Variants in FAM118B observed in about 807,000 individuals in gnomAD.
FAM118B encodes the protein SIR2 antiphage like 1, also known as protein FAM118B.
A neutral mutation model predicts 38.5 loss-of-function variants in FAM118B; 24 were observed. The ratio of observed to expected loss-of-function variants is 0.62; its 90% CI spans 0.45 to 0.88. The LOEUF (loss-of-function observed/expected upper bound fraction) is 0.88. Among genes scored for constraint, FAM118B ranks in the 40% least tolerant of loss-of-function variants. FAM118B has a pLI of 0.00. For missense variants in FAM118B, 334 were observed against 420.0 expected, an observed-to-expected ratio of 0.80 and a Z score of 1.79; for synonymous variants, 138 against 156.3, an observed-to-expected ratio of 0.88 and a Z score of 0.87.
intron 1 of FAM118B, among the ~76,000 whole-genome samples, chr11:126,220,389 A>G (rs1187973752): frequency 6.7e-6 from 1 of 148,604 alleles, no homozygotes; most frequent in Admixed American, 6.7e-5. Context: ...AATACCCTCA[A>G]TTGTTTTCAC....
At chr11:126,238,890 A>C (rs1313380010) in intron 3 of FAM118B, among the ~76,000 whole-genome samples, 1 of 152,152 alleles carries the variant, frequency 6.6e-6, no homozygotes, top group Non-Finnish European at 1.5e-5. Flanking sequence ...CCGCTAAAAA[A>C]AAAAAGTAAC....
intron 2 of FAM118B, 134 bp downstream of exon 2, chr11:126,229,427 C>A (rs539083945): frequency 6.6e-6 from 1 of 152,150 alleles, no homozygotes; most frequent in South Asian, 2.1e-4. Flanking sequence ...TAACAAGCAA[C>A]ATCTGAGCTC....
At chr11:126,218,117 A>AT (rs943240236) in intron 1 of FAM118B, among the ~76,000 whole-genome samples, 29 of 152,174 alleles carry the variant, frequency 1.9e-4, no homozygotes, top group African/African-American at 5.3e-4. Flanking sequence ...TATTTCTGTG[A>AT]TTTTTTGCTC....
intron 4 of FAM118B, among the ~76,000 whole-genome samples, chr11:126,245,823 C>G (rs540798739): frequency 1.3e-5 from 2 of 151,932 alleles, no homozygotes; most frequent in Admixed American, 6.6e-5. Context: ...ATGGTGAAAC[C>G]CCATCTCTAA....
At chr11:126,228,975 A>C (rs1007480150) in intron 1 of FAM118B, among the ~76,000 whole-genome samples, 1 of 152,202 alleles carries the variant, frequency 6.6e-6, no homozygotes, top group East Asian at 1.9e-4. Flanking sequence ...GTTGACATAA[A>C]AGTAAGCTAC....
chr11:126,222,193 A>G (rs1950072427), intron 1 of FAM118B, among the ~76,000 whole-genome samples: 1 of 152,212 alleles, frequency 6.6e-6, no homozygotes. Context: ...ATATGAGATG[A>G]TAATAGCATC....
Position 126,262,835 on chromosome 11 carries a change from T to A in FAM118B, c.*702T>A, listed in dbSNP as rs958489946. ...TCCTCGGAGCATTATCAACTTCTGC[T>A]CTGTTGTCCTGACCATACATATGTC... On this transcript the variant is annotated 3_prime_UTR_variant, in exon 9 of 9. Coordinates refer to ENST00000533050, the MANE Select transcript of FAM118B (RefSeq NM_024556.4). The A allele has an allele frequency of 3.3e-5, 5 of 152,662 alleles. No individual in the cohort carries two copies. The highest frequency in any genetic ancestry group is 1.2e-4 in the African/African-American group (5 of 41,472). The allele number at this position is 152,662 out of a possible 1,614,324, so 9.5% of individuals were successfully genotyped here.
intron 5 of FAM118B, among the ~76,000 whole-genome samples, chr11:126,251,954 T>G (rs1950509511): frequency 6.6e-6 from 1 of 151,998 alleles, no homozygotes. Context: ...AGTACTGGGA[T>G]TACAGGCATG....
intron 1 of FAM118B, among the ~76,000 whole-genome samples, chr11:126,225,239 C>G (rs1292810227): frequency 1.3e-5 from 2 of 152,172 alleles, no homozygotes; most frequent in East Asian, 1.9e-4. Context: ...ACCACCAAAT[C>G]CTTTTCAATT....
At chr11:126,231,867 T>C (rs2135150498) in intron 2 of FAM118B, among the ~76,000 whole-genome samples, 1 of 152,332 alleles carries the variant, frequency 6.6e-6, no homozygotes, top group South Asian at 2.1e-4. Flanking sequence ...GAGAAGTATA[T>C]AACAAATAGT....
intron 1 of FAM118B, among the ~76,000 whole-genome samples, chr11:126,225,800 T>C (rs1166882584): frequency 6.6e-6 from 1 of 152,078 alleles, no homozygotes; most frequent in Non-Finnish European, 1.5e-5. Flanking sequence ...GCCAACATGG[T>C]GGAACCCTGT....
chr11:126,241,121 C>G (rs1950351827), intron 4 of FAM118B, 77 bp downstream of exon 4: 6 of 1,412,866 alleles, frequency 4.2e-6, no homozygotes, highest in African/African-American at 2.9e-5. Flanking sequence ...ATTTGGCTGT[C>G]AAAACTAGCA....
At chr11:126,236,080 C>T (rs1354834387) in intron 3 of FAM118B, among the ~76,000 whole-genome samples, 2 of 152,210 alleles carry the variant, frequency 1.3e-5, no homozygotes, top group Non-Finnish European at 2.9e-5. Context: ...TGCTAGTCCA[C>T]TCTGGACACT....
chr11:126,224,761 G>A (rs1052146615), intron 1 of FAM118B, among the ~76,000 whole-genome samples: 1 of 152,234 alleles, frequency 6.6e-6, no homozygotes, highest in South Asian at 2.1e-4. Flanking sequence ...TTGAGGAACA[G>A]TGAAGAGGCC....
At chr11:126,247,341 G>A (rs1188955139) in intron 4 of FAM118B, among the ~76,000 whole-genome samples, 1 of 152,130 alleles carries the variant, frequency 6.6e-6, no homozygotes, top group African/African-American at 2.4e-5. Flanking sequence ...CAATGCAGTT[G>A]CAGAATCATA....
chr11:126,228,099 A>G (rs986298391), intron 1 of FAM118B, among the ~76,000 whole-genome samples: 1 of 152,060 alleles, frequency 6.6e-6, no homozygotes, highest in South Asian at 2.1e-4. Flanking sequence ...CGCCCAGCCA[A>G]AAAACTTGTT....
intron 4 of FAM118B, among the ~76,000 whole-genome samples, chr11:126,246,768 G>C (rs1374922706): frequency 6.6e-6 from 1 of 152,064 alleles, no homozygotes. Context: ...CTAAGTTTCA[G>C]GGTAGAAGGA....
chr11:126,262,573 G>A lies in FAM118B; in HGVS notation c.*440G>A, dbSNP rs1466228925. ...TGGCTTTTTTAAAACATGACTTGAA[G>A]CTCTAGTTTTCTAGATCTTTTACAG... On this transcript the variant is annotated 3_prime_UTR_variant, in exon 9 of 9. Transcript: ENST00000533050. 1 of 169,660 alleles carries A rather than the reference G, an allele frequency of 5.9e-6. No homozygotes were observed. Among genetic ancestry groups the A allele is most frequent in the Non-Finnish European group, 1.3e-5 (1 of 79,684 alleles). 10.5% of individuals were successfully genotyped at this position (169,660 alleles called of 1,614,324 possible).
At chr11:126,212,632 T>C (rs1949900909) in intron 1 of FAM118B, among the ~76,000 whole-genome samples, 1 of 152,196 alleles carries the variant, frequency 6.6e-6, no homozygotes, top group African/African-American at 2.4e-5. Context: ...AACTAATGGA[T>C]CTGTGACGAT....
Sources: allele counts gnomAD v4.1 joint callset (sites outside exome capture counted in the v4.1 genomes callset), GRCh38; gene constraint gnomAD v4.1.1; transcripts MANE v1.5; gene names NCBI Gene and HGNC (gene_info 2026-07-23, HGNC 2026-07-21).